The following PDE4D variants were observed in gnomAD, a reference collection of about 807,000 sequenced individuals.
PDE4D encodes the protein 3',5'-cyclic-AMP phosphodiesterase 4D.
In PDE4D, 24 loss-of-function variants were observed where a neutral mutation model predicts 87.4. That is an observed-to-expected ratio of 0.27 (90% confidence interval 0.20 to 0.39). The LOEUF (loss-of-function observed/expected upper bound fraction) is 0.39. Among genes scored for constraint, PDE4D ranks in the 10% least tolerant of loss-of-function variants. PDE4D has a pLI of 1.00. For synonymous variants in PDE4D, 384 were observed against 383.2 expected, an observed-to-expected ratio of 1.00 and a Z score of -0.02; for missense variants, 714 against 1,041.0, an observed-to-expected ratio of 0.69 and a Z score of 4.32.
rs1396693821 is a variant in PDE4D, at chr5:59,574,686, C to T, written c.455+318482G>A. ...TTCCTCTTCCTACCCACTCTTCAACCTCCAGATTTTCATACTCCTTATTAC... is the reference window on the plus strand; with the variant it reads ...TTCCTCTTCCTACCCACTCTTCAACTTCCAGATTTTCATACTCCTTATTAC... On this transcript the variant is annotated intron_variant, in intron 1 of 14. Transcript: ENST00000340635. 6.6e-5 allele frequency among the ~76,000 whole-genome samples: 10 copies of T among 152,128 alleles called. No homozygotes were observed. The East Asian group carries it at 7.7e-4, about 12-fold the overall frequency.
intron 2 of PDE4D, among the ~76,000 whole-genome samples, chr5:60,128,881 A>G (rs1779346039): frequency 6.6e-6 from 1 of 152,182 alleles, no homozygotes; most frequent in South Asian, 2.1e-4. Context: ...CATTTTCTTA[A>G]ATCTGAATGG....
rs374501648 is a variant in PDE4D, at chr5:59,071,873, G to A, written c.809-32902C>T. Among the ~76,000 whole-genome samples, 78 of 151,764 alleles carry A rather than the reference G, an allele frequency of 5.1e-4. No individual in the cohort carries two copies. In the South Asian group the frequency reaches 0.015, roughly 28 times the overall value. ...AGCTAATTTTTTTATATTTTTAGTAGAGACGGGGTTTCACCATATTGGCCA... is the reference window on the plus strand; with the variant it reads ...AGCTAATTTTTTTATATTTTTAGTAAAGACGGGGTTTCACCATATTGGCCA... On this transcript the variant is annotated intron_variant, in intron 5 of 14. Transcript: ENST00000340635.
chr5:59,999,801 G>A (rs947666949), intron 2 of PDE4D, among the ~76,000 whole-genome samples: 1 of 151,894 alleles, frequency 6.6e-6, no homozygotes, highest in Non-Finnish European at 1.5e-5. Context: ...TATTAAAGAA[G>A]TTCAATGTGC....
At chr5:59,498,432 A>G (rs1165387252) in intron 1 of PDE4D, among the ~76,000 whole-genome samples, 1 of 151,636 alleles carries the variant, frequency 6.6e-6, no homozygotes, top group African/African-American at 2.4e-5. Context: ...GTTAATATTG[A>G]TATGTAAGGT....
At position 59,494,465 on chromosome 5, in the gene PDE4D, AAAAC is replaced by A. The variant is rs539735115; in HGVS notation, c.456-278501_456-278498del. Among the ~76,000 whole-genome samples, 20 of 152,272 alleles carry A rather than the reference AAAAC, an allele frequency of 1.3e-4. No homozygotes were observed. The South Asian group carries it at 2.1e-3, about 16-fold the overall frequency. Reference sequence around the variant, plus strand: ...TCAACCTAAGCAAACAAAACAAAACAAAACAAACAAACAAACAAAAAACACCTAG... The same window carrying A: ...TCAACCTAAGCAAACAAAACAAAACAAAACAAACAAACAAAAAACACCTAG... On this transcript the variant is annotated intron_variant, in intron 1 of 14. Transcript: ENST00000340635.
chr5:60,184,617 A>C (rs564862259), intron 2 of PDE4D, among the ~76,000 whole-genome samples: 2 of 152,188 alleles, frequency 1.3e-5, no homozygotes, highest in Non-Finnish European at 2.9e-5. Context: ...TTTAACAAAC[A>C]CAGTTGGGCA....
chr5:59,646,608 T>C (rs977300977), intron 1 of PDE4D, among the ~76,000 whole-genome samples: 1 of 152,238 alleles, frequency 6.6e-6, no homozygotes. Flanking sequence ...TATCTTTATA[T>C]ATAAAACTGG....
intron 1 of PDE4D, among the ~76,000 whole-genome samples, chr5:59,798,793 G>A (rs1167590240): frequency 1.3e-5 from 2 of 152,170 alleles, no homozygotes; most frequent in African/African-American, 2.4e-5. Flanking sequence ...TGGGGCAGAG[G>A]GAAGGCTGGT....
At chr5:60,464,631 G>T (rs1384451739) in intron 1 of PDE4D, among the ~76,000 whole-genome samples, 1 of 152,146 alleles carries the variant, frequency 6.6e-6, no homozygotes, top group East Asian at 1.9e-4. Context: ...CAGATCTCAG[G>T]GATGGGGCCA....
intron 1 of PDE4D, among the ~76,000 whole-genome samples, chr5:59,537,926 C>T (rs1815564068): frequency 6.6e-6 from 1 of 152,262 alleles, no homozygotes; most frequent in African/African-American, 2.4e-5. Context: ...AACATGTCTA[C>T]AGTAAATATA....
chr5:59,717,549 G>GA (rs1396135541), intron 1 of PDE4D, among the ~76,000 whole-genome samples: 2 of 152,082 alleles, frequency 1.3e-5, no homozygotes, highest in African/African-American at 2.4e-5. Context: ...TAACCCTGTG[G>GA]AAAAATAAAA....
At chr5:59,091,483 A>C (rs1768724836) in intron 5 of PDE4D, among the ~76,000 whole-genome samples, 1 of 152,154 alleles carries the variant, frequency 6.6e-6, no homozygotes, top group Non-Finnish European at 1.5e-5. Context: ...TCAGCTACAT[A>C]CAACATTGAT....
At chr5:59,864,514 C>T (rs1033630879) in intron 1 of PDE4D, among the ~76,000 whole-genome samples, 1 of 152,178 alleles carries the variant, frequency 6.6e-6, no homozygotes. Flanking sequence ...TACCCTCTCA[C>T]CAATAATTAT....
chr5:59,302,254 C>A (rs902420015), intron 1 of PDE4D, among the ~76,000 whole-genome samples: 1 of 152,280 alleles, frequency 6.6e-6, no homozygotes, highest in East Asian at 1.9e-4. Context: ...GATACAGTAA[C>A]TCTATAAAAG....
At chr5:59,043,231 A>G (rs1024011372) in intron 5 of PDE4D, among the ~76,000 whole-genome samples, 1 of 152,228 alleles carries the variant, frequency 6.6e-6, no homozygotes, top group Non-Finnish European at 1.5e-5. Flanking sequence ...AATACAAATT[A>G]TAACAGCTGA....
At chr5:59,395,082 CCCCACGGAGT>C (rs1789101624) in intron 1 of PDE4D, among the ~76,000 whole-genome samples, 1 of 152,162 alleles carries the variant, frequency 6.6e-6, no homozygotes, top group Non-Finnish European at 1.5e-5. Flanking sequence ...GAGGGTCCTA[CCCCACGGAGT>C]CTCGCTGATT....
At chr5:60,051,571 C>T (rs1165602788) in intron 2 of PDE4D, among the ~76,000 whole-genome samples, 2 of 152,126 alleles carry the variant, frequency 1.3e-5, no homozygotes, top group Non-Finnish European at 2.9e-5. Flanking sequence ...ACCAAATGCC[C>T]ACAGGAGAAA....
At chr5:59,416,557 G>A (rs1391956934) in intron 1 of PDE4D, among the ~76,000 whole-genome samples, 1 of 152,194 alleles carries the variant, frequency 6.6e-6, no homozygotes, top group African/African-American at 2.4e-5. Flanking sequence ...TCAGAGCTAA[G>A]CACTTGTAAC....
chr5:60,198,766 T>C (rs1203635595), intron 1 of PDE4D, among the ~76,000 whole-genome samples: 2 of 151,650 alleles, frequency 1.3e-5, no homozygotes, highest in Non-Finnish European at 3.0e-5. Context: ...CAAAATTTAT[T>C]GTATAACCTG....
Sources: gnomAD v4.1 joint callset for allele counts (sites outside exome capture counted in the v4.1 genomes callset) on GRCh38, gnomAD v4.1.1 for gene constraint, MANE v1.5 for transcripts, NCBI Gene and HGNC (gene_info 2026-07-23, HGNC 2026-07-21) for gene names.